Variants in SYTL2 observed in about 807,000 individuals in gnomAD.
SYTL2 encodes the protein synaptotagmin like 2.
In SYTL2, 165 loss-of-function variants were observed where a neutral mutation model predicts 198.7. That is an observed-to-expected ratio of 0.83 (90% confidence interval 0.73 to 0.94). SYTL2 has a LOEUF of 0.94. Among genes scored for constraint, SYTL2 ranks in the 40% least tolerant of loss-of-function variants. The pLI is 0.00. For synonymous variants in SYTL2, 966 were observed against 917.7 expected, an observed-to-expected ratio of 1.05 and a Z score of -0.95; for missense variants, 2,835 against 2,582.8, an observed-to-expected ratio of 1.10 and a Z score of -2.12.
rs145848338 is a variant in SYTL2, at chr11:85,698,998, CTCAA to C, written c.6269-924_6269-921del. 3.1e-3 allele frequency among the ~76,000 whole-genome samples: 466 copies of C among 152,288 alleles called. 2 individuals are homozygous for C. Among genetic ancestry groups the C allele is most frequent in the African/African-American group, 0.011 (444 of 41,552 alleles). ...CACCAGATTTTTCTGAATGGGTTAG[CTCAA>C]TCAGTCAACCAAACAGTACTTAGTG... On this transcript the variant is annotated intron_variant, in intron 17 of 19. Coordinates refer to ENST00000359152, the MANE Select transcript of SYTL2 (RefSeq NM_206927.4).
At chr11:85,834,286 T>C in the SYTL2 span, among the ~76,000 whole-genome samples, 1 of 152,188 alleles carries the variant, frequency 6.6e-6, no homozygotes, top group Admixed American at 6.5e-5. Context: ...CATTATTTCT[T>C]AAAATATGTT....
intron 5 of SYTL2, 33 bp from the exon 6 acceptor site, chr11:85,736,648 T>A: frequency 8.2e-7 from 1 of 1,217,454 alleles, no homozygotes; most frequent in Non-Finnish European, 1.2e-6. Context: ...AAACTTATTT[T>A]AAATGTCATG....
In SYTL2 at chr11:85,736,631, G is replaced by A. The variant is rs768295595; in HGVS notation, c.472-16C>T. On this transcript the variant is annotated splice_polypyrimidine_tract_variant and intron_variant, in intron 5 of 19. Transcript: ENST00000359152. ...TCTTCCTCTGCTGGGGACAAATATT[G>A]TTTATTAAACTTATTTTAAATGTCA... 7.3e-7 allele frequency: 1 copy of A among 1,368,124 alleles called. No homozygotes were observed. 84.7% of individuals were successfully genotyped at this position (1,368,124 alleles called of 1,614,324 possible). A position where few individuals can be genotyped will look rare whatever the true frequency, so the allele number is the denominator to read the frequency against.
chr11:85,825,007 T>G, the SYTL2 span, among the ~76,000 whole-genome samples: 1 of 152,198 alleles, frequency 6.6e-6, no homozygotes, highest in African/African-American at 2.4e-5. Context: ...ATTAGTGCAT[T>G]GCCCTGGGTT....
intron 4 of SYTL2, among the ~76,000 whole-genome samples, chr11:85,739,089 C>T (rs932684709): frequency 2.0e-5 from 3 of 152,132 alleles, no homozygotes; most frequent in African/African-American, 4.8e-5. Context: ...TATCTTACCT[C>T]GCATAGTAAA....
chr11:85,697,958 C>A (rs1050429591), intron 18 of SYTL2, 21 bp downstream of exon 18: 14 of 1,516,540 alleles, frequency 9.2e-6, no homozygotes, highest in African/African-American at 1.4e-5. Flanking sequence ...CTGTTGCAGA[C>A]AGAGTCATCA....
chr11:85,719,437 G>T, intron 9 of SYTL2: 1 of 510,194 alleles, frequency 2.0e-6, no homozygotes, highest in Non-Finnish European at 2.6e-6. Context: ...GTACTTTAAA[G>T]CTGCACCATG....
At position 85,695,351 on chromosome 11, in the gene SYTL2, G is replaced by T. The variant is rs746801558; in HGVS notation, c.6575-11C>A. 6.5e-7 allele frequency: 1 copy of T among 1,542,762 alleles called. No individual in the cohort carries two copies. Among genetic ancestry groups the T allele is most frequent in the Non-Finnish European group, 8.8e-7 (1 of 1,141,880 alleles). The stretch of plus-strand genomic sequence containing the variant: ...TCCCATAACTTTTACCTGAAAAAAG[G>T]AAGCTTTGCATTTAGAAAGAAACAG... On this transcript the variant is annotated splice_polypyrimidine_tract_variant and intron_variant, in intron 19 of 19. Coordinates refer to ENST00000359152, the MANE Select transcript of SYTL2 (RefSeq NM_206927.4).
intron 2 of SYTL2, among the ~76,000 whole-genome samples, chr11:85,754,323 A>G (rs2091730618): frequency 1.3e-5 from 2 of 152,288 alleles, no homozygotes; most frequent in South Asian, 4.2e-4. Context: ...CTTGTACTTA[A>G]TAGGTGCTCA....
rs1168951467 is a variant in SYTL2 at position 85,720,931 on chromosome 11, C to A, written c.5355G>T (p.Leu1785Phe). 1 of 1,611,812 alleles carries A rather than the reference C, an allele frequency of 6.2e-7. No homozygotes were observed. Among genetic ancestry groups the A allele is most frequent in the African/African-American group, 1.3e-5 (1 of 74,314 alleles). The change falls in exon 9 of 20, where the codon TTG (leucine) becomes TTT (phenylalanine). Residue 1785 changes from leucine to phenylalanine, a missense_variant. Leu to Phe is a conservative substitution (Grantham distance 22). Around this residue, in one of 3 missense-constraint regions of SYTL2, gnomAD observed 2,645 missense variants for 2,381.7 expected, o/e 1.11. Coordinates refer to ENST00000359152, the MANE Select transcript of SYTL2 (RefSeq NM_206927.4). Reference sequence around the variant, plus strand: ...TAGCGGCACTCCTTTCCAAAGTTTTCAAAACAGGACTGGGTTCTTCTTCTG... The same window carrying A: ...TAGCGGCACTCCTTTCCAAAGTTTTAAAAACAGGACTGGGTTCTTCTTCTG... ...SSSEEEPSPV[L>F]KTLERSAARK...
At chr11:85,849,986 T>A in the SYTL2 span, among the ~76,000 whole-genome samples, 4 of 147,096 alleles carry the variant, frequency 2.7e-5, no homozygotes, top group Non-Finnish European at 6.1e-5. Flanking sequence ...GTAGTTCTCC[T>A]TGAAGAGGTC....
rs772531498 is a variant in SYTL2, at chr11:85,696,230, T to G, written c.6527A>C (p.Lys2176Thr). ...ACCTCCCAAAAATTGGTTGGTTAAT[T>G]TGTAATGGTCCCAGACAGTAAGCTC... ...CVELTVWDHY[K>T]LTNQFLGGLR... The change falls in exon 19 of 20, where the codon AAA becomes ACA. Residue 2176 changes from lysine (K) to threonine (T), a missense_variant. By Grantham distance (78) the Lys-to-Thr change is moderately conservative. This residue lies in a region of SYTL2 where 185 missense variants were observed against 182.1 expected (regional missense o/e 1.02). Coordinates refer to ENST00000359152, the MANE Select transcript of SYTL2 (RefSeq NM_206927.4). The G allele has an allele frequency of 1.2e-6, 2 of 1,613,988 alleles. No individual in the cohort carries two copies. The highest frequency in any genetic ancestry group is 1.7e-6 in the Non-Finnish European group (2 of 1,180,004).
Position 85,725,479 on chromosome 11 carries a change from T to G in SYTL2, c.3879A>C (p.Leu1293=). ...LKKAESGECQ[L]STQNLIQMAA... is the part of the protein sequence containing the mutation. The stretch of plus-strand genomic sequence containing the variant: ...CCATCTGAATCAAATTCTGTGTGCT[T>G]AGCTGGCACTCACCACTTTCAGCTT... The change falls in exon 8 of 20, where the codon CTA becomes CTC. Residue 1293 remains leucine, a synonymous_variant. Coordinates refer to ENST00000359152, the MANE Select transcript of SYTL2 (RefSeq NM_206927.4). 2 of 1,614,078 alleles carry G rather than the reference T, an allele frequency of 1.2e-6. No homozygotes were observed. The highest frequency in any genetic ancestry group is 1.7e-6 in the Non-Finnish European group (2 of 1,179,952).
chr11:85,830,900 C>T, the SYTL2 span, among the ~76,000 whole-genome samples: 2 of 152,154 alleles, frequency 1.3e-5, no homozygotes, highest in Admixed American at 6.6e-5. Context: ...TACCTACATC[C>T]CAAGTTCTTG....
chr11:85,815,961 C>T (rs927357280), upstream of SYTL2, among the ~76,000 whole-genome samples: 8 of 152,026 alleles, frequency 5.3e-5, no homozygotes, highest in East Asian at 5.8e-4. Context: ...CTCAGGAGTT[C>T]GAGACCACCC....
intron 1 of SYTL2, among the ~76,000 whole-genome samples, chr11:85,782,226 G>C (rs986853471): frequency 6.6e-6 from 1 of 152,224 alleles, no homozygotes; most frequent in African/African-American, 2.4e-5. Context: ...GCCAAGGCTT[G>C]GGGCTTACAA....
At chr11:85,835,169 T>C in the SYTL2 span, among the ~76,000 whole-genome samples, 1 of 152,242 alleles carries the variant, frequency 6.6e-6, no homozygotes, top group Non-Finnish European at 1.5e-5. Context: ...AAATATGGGT[T>C]TTATATTAAG....
intron 1 of SYTL2, among the ~76,000 whole-genome samples, chr11:85,784,656 G>A (rs183130651): frequency 1.8e-4 from 28 of 152,244 alleles, no homozygotes; most frequent in Admixed American, 3.9e-4. Flanking sequence ...TATTTAGGCT[G>A]AGATACAAGG....
rs1046214430 is a variant in SYTL2 at position 85,711,153 on chromosome 11, G to C, written c.5705C>G (p.Thr1902Ser). Residue 1902 changes from threonine (T) to serine (S), a missense_variant, in exon 13 of 20, where the codon ACC becomes AGC. Physicochemically the swap from Thr to Ser is moderately conservative, Grantham distance 58 (BLOSUM62 1). Transcript: ENST00000359152. ...CATGCCAGAGGAGCTGCTAAGATTGGTTAAAGAGCTCGGGCTCTTCTTGTG... is the reference window on the plus strand; with the variant it reads ...CATGCCAGAGGAGCTGCTAAGATTGCTTAAAGAGCTCGGGCTCTTCTTGTG... ...SRHKKSPSSLTNLSSSSGMTS... is the reference protein window; with the variant it reads ...SRHKKSPSSLSNLSSSSGMTS... 2 of 1,613,956 alleles carry C rather than the reference G, an allele frequency of 1.2e-6. No individual in the cohort carries two copies. Among genetic ancestry groups the C allele is most frequent in the African/African-American group, 2.7e-5 (2 of 74,904 alleles).
Sources: allele counts gnomAD v4.1 joint callset (sites outside exome capture counted in the v4.1 genomes callset), GRCh38; gene constraint gnomAD v4.1.1; regional missense constraint gnomAD v4.1.1; transcripts MANE v1.5; gene names NCBI Gene and HGNC (gene_info 2026-07-23, HGNC 2026-07-21).